Variants in GLRA1 observed in about 807,000 individuals in gnomAD.
GLRA1 encodes the protein glycine receptor subunit alpha-1.
Under a neutral mutation model 48.3 loss-of-function variants are expected in GLRA1, and 37 were observed. The ratio of observed to expected loss-of-function variants is 0.77; its 90% confidence interval spans 0.59 to 1.01. GLRA1 has a LOEUF of 1.01. Among genes scored for constraint, GLRA1 ranks in the 50% least tolerant of loss-of-function variants. The pLI is 0.00. For synonymous variants in GLRA1, 196 were observed against 210.7 expected (o/e 0.93, Z 0.60); for missense variants, 427 against 571.0 (o/e 0.75, Z 2.57).
intron 7 of GLRA1, among the ~76,000 whole-genome samples, chr5:151,833,817 C>CAAA (rs766149505): frequency 3.8e-5 from 3 of 79,176 alleles, no homozygotes; most frequent in Non-Finnish European, 8.2e-5. Flanking sequence ...AAAAAAAAAG[C>CAAA]AGGGGTTGCA....
At chr5:151,865,575 G>T (rs934247671) in intron 3 of GLRA1, among the ~76,000 whole-genome samples, 2 of 152,182 alleles carry the variant, frequency 1.3e-5, no homozygotes, top group Admixed American at 6.5e-5. Flanking sequence ...TTTAAGTAAA[G>T]ATGGACATTA....
intron 1 of GLRA1, among the ~76,000 whole-genome samples, chr5:151,895,625 CTGTGTGTGTGTGTGTG>C (rs67871185): frequency 3.4e-5 from 5 of 146,592 alleles, no homozygotes; most frequent in Non-Finnish European, 6.0e-5. Flanking sequence ...GTGTGTGTGT[CTGTGTGTGTGTGTGTG>C]TGTGTGTGTG....
rs577318905 is a variant in GLRA1 at position 151,849,456 on chromosome 5, C to CTTTCCTTTCCTTTCCTT, written c.912+1933_912+1934insAAGGAAAGGAAAGGAAA. On this transcript the variant is annotated intron_variant, in intron 7 of 8. Coordinates refer to ENST00000274576, the MANE Select transcript of GLRA1 (RefSeq NM_000171.4). ...CTTTCCTTTCCTTTCCTTTCCTTTC[C>CTTTCCTTTCCTTTCCTT]TTCCTTCCTTCCTTCCTTCCTTCCT... Among the ~76,000 whole-genome samples the CTTTCCTTTCCTTTCCTT allele has an allele frequency of 1.0e-4, 3 of 29,550 alleles. 1 individual carries two copies. Among genetic ancestry groups the CTTTCCTTTCCTTTCCTT allele is most frequent in the Non-Finnish European group, 1.7e-4 (3 of 17,312 alleles). The allele number at this position is 29,550 out of a possible 152,430, so 19.4% of individuals were successfully genotyped here.
At chr5:151,864,655 T>C (rs1363255384) in intron 3 of GLRA1, among the ~76,000 whole-genome samples, 1 of 152,218 alleles carries the variant, frequency 6.6e-6, no homozygotes, top group Non-Finnish European at 1.5e-5. Flanking sequence ...GGAGACTTGA[T>C]GCCCCAGGCT....
chr5:151,881,761 C>A (rs1323513485), intron 3 of GLRA1, among the ~76,000 whole-genome samples: 2 of 152,120 alleles, frequency 1.3e-5, no homozygotes, highest in Non-Finnish European at 2.9e-5. Flanking sequence ...TGGATAGAGA[C>A]CCCTGTTGCT....
At chr5:151,857,953 G>C (rs1278055947) in intron 4 of GLRA1, among the ~76,000 whole-genome samples, 1 of 152,230 alleles carries the variant, frequency 6.6e-6, no homozygotes, top group Non-Finnish European at 1.5e-5. Context: ...CACACAGCAA[G>C]CTGATACATC....
At chr5:151,891,635 T>G (rs2113415896) in intron 2 of GLRA1, among the ~76,000 whole-genome samples, 1 of 152,304 alleles carries the variant, frequency 6.6e-6, no homozygotes, top group East Asian at 1.9e-4. Context: ...TTACTCTTGG[T>G]TTGCCTCACT....
At chr5:151,837,480 A>G (rs1352658950) in intron 7 of GLRA1, among the ~76,000 whole-genome samples, 2 of 152,244 alleles carry the variant, frequency 1.3e-5, no homozygotes, top group Admixed American at 6.5e-5. Context: ...CCAAAGGATT[A>G]TAAATCATTC....
In GLRA1 at chr5:151,871,336, A is replaced by G. The variant is rs1029666541; in HGVS notation, c.253-11328T>C. On this transcript the variant is annotated intron_variant, in intron 3 of 8. Transcript: ENST00000274576. ...ATGGAAAAAGGAACAACAACAAAAG[A>G]TCTCATCCATAATAGCAACCACCCC... Among the ~76,000 whole-genome samples, 11 of 149,532 alleles carry G rather than the reference A, an allele frequency of 7.4e-5. No individual in the cohort carries two copies. The South Asian group carries it at 1.2e-3, about 17-fold the overall frequency.
Position 151,885,522 on chromosome 5 carries a change from T to C in GLRA1, c.252+1199A>G, listed in dbSNP as rs183841263. Among the ~76,000 whole-genome samples the C allele has an allele frequency of 3.3e-5, 5 of 152,316 alleles. No individual in the cohort carries two copies. The East Asian group carries it at 9.6e-4, about 29-fold the overall frequency. On this transcript the variant is annotated intron_variant, in intron 3 of 8. Coordinates refer to ENST00000274576, the MANE Select transcript of GLRA1 (RefSeq NM_000171.4). ...CGCATGTTACAGTGGGGAGGCTTTC[T>C]ATGGAAATAATTCTAAGCTGAGTCT... is the stretch of plus-strand genomic sequence containing the variant.
chr5:151,900,497 T>TGA (rs148040880), intron 1 of GLRA1, among the ~76,000 whole-genome samples: 2,456 of 152,312 alleles, frequency 0.016, 81 homozygotes, highest in African/African-American at 0.056. Flanking sequence ...GACTCTGAAT[T>TGA]GCACATTACA....
rs1428551181 is a variant in GLRA1, at chr5:151,892,573, T to A, written c.57-135A>T. 4.4e-6 allele frequency: 4 copies of A among 907,582 alleles called. No individual in the cohort carries two copies. The African/African-American group carries it at 4.9e-5, about 11-fold the overall frequency. The allele number at this position is 907,582 out of a possible 1,614,324, so 56.2% of individuals were successfully genotyped here. A position where few individuals can be genotyped will look rare whatever the true frequency, so the allele number is the denominator to read the frequency against. Reference sequence around the variant, plus strand: ...GAGTAATATGGGTAATATGGGTCCTTAATGAGGTAAGGCCCAGGTTAAATT... The same window carrying A: ...GAGTAATATGGGTAATATGGGTCCTAAATGAGGTAAGGCCCAGGTTAAATT... On this transcript the variant is annotated intron_variant, in intron 1 of 8. Transcript: ENST00000274576.
intron 1 of GLRA1, among the ~76,000 whole-genome samples, chr5:151,913,272 A>G (rs1581664399): frequency 1.3e-5 from 2 of 152,350 alleles, no homozygotes; most frequent in East Asian, 3.9e-4. Flanking sequence ...CAAGGAAGTA[A>G]CATAGGCAGG....
chr5:151,878,535 T>A (rs1753683124), intron 3 of GLRA1, among the ~76,000 whole-genome samples: 1 of 152,178 alleles, frequency 6.6e-6, no homozygotes, highest in South Asian at 2.1e-4. Flanking sequence ...GTCAGAGGTC[T>A]TCACAGCAGC....
At chr5:151,871,308 G>A (rs1753478118) in intron 3 of GLRA1, among the ~76,000 whole-genome samples, 1 of 149,290 alleles carries the variant, frequency 6.7e-6, no homozygotes, top group African/African-American at 2.6e-5. Context: ...AGACAAAAGT[G>A]TAATGGAAAA....
intron 3 of GLRA1, among the ~76,000 whole-genome samples, chr5:151,877,539 C>T (rs1229417419): frequency 6.6e-6 from 1 of 151,722 alleles, no homozygotes; most frequent in Non-Finnish European, 1.5e-5. Flanking sequence ...CAACAAAAAA[C>T]TCCAAAACCC....
intron 7 of GLRA1, among the ~76,000 whole-genome samples, chr5:151,833,980 G>A (rs1028908525): frequency 1.8e-4 from 27 of 152,120 alleles, no homozygotes; most frequent in African/African-American, 6.5e-4. Flanking sequence ...CGTAAGGCAA[G>A]TTCTTAGAGA....
rs572995997 is a variant in GLRA1 at position 151,848,512 on chromosome 5, G to A, written c.912+2878C>T. On this transcript the variant is annotated intron_variant, in intron 7 of 8. Transcript: ENST00000274576. ...CTCCTGAGTAGCTGGGATTACAAGC[G>A]CGGGCCACCATGCCTGACTAAGAGT... Among the ~76,000 whole-genome samples the A allele has an allele frequency of 1.1e-4, 17 of 152,182 alleles. No individual in the cohort carries two copies. The East Asian group carries it at 2.9e-3, about 26-fold the overall frequency.
chr5:151,862,050 C>G (rs930401528), intron 3 of GLRA1, among the ~76,000 whole-genome samples: 1 of 152,150 alleles, frequency 6.6e-6, no homozygotes, highest in South Asian at 2.1e-4. Context: ...ACGACAGTAA[C>G]CAAAACAACA....
Sources: gnomAD v4.1 joint callset for allele counts (sites outside exome capture counted in the v4.1 genomes callset) on GRCh38, gnomAD v4.1.1 for gene constraint, MANE v1.5 for transcripts, NCBI Gene and HGNC (gene_info 2026-07-23, HGNC 2026-07-21) for gene names.